The following COL4A2 variants were observed in gnomAD, a reference collection of about 807,000 sequenced individuals.
COL4A2 encodes collagen type IV alpha 2 chain.
A neutral mutation model predicts 200.2 loss-of-function variants in COL4A2; 99 were observed. That is an observed-to-expected ratio of 0.49 (90% CI 0.42 to 0.58). The LOEUF is 0.58. Ranked by LOEUF, COL4A2 falls within the 20% of genes least tolerant of loss-of-function variation. The pLI, the probability that COL4A2 is intolerant of heterozygous loss-of-function variation, is 0.00. For missense variants in COL4A2, 1,950 were observed against 2,314.1 expected (o/e 0.84, Z 3.23); for synonymous variants, 897 against 900.6 (o/e 1.00, Z 0.07).
At chr13:110,341,971 G>C (rs1211200867) in intron 3 of COL4A2, among the ~76,000 whole-genome samples, 1 of 152,192 alleles carries the variant, frequency 6.6e-6, no homozygotes, top group African/African-American at 2.4e-5. Flanking sequence ...ATACATAGGA[G>C]GACTACAAGC....
At position 110,501,690 on chromosome 13, in the gene COL4A2, C is replaced by A. The variant is rs1883648051; in HGVS notation, c.3783C>A (p.Ser1261Arg). Residue 1261 changes from serine (S) to arginine (R), a missense_variant, in exon 41 of 48, where the codon AGC (serine) becomes AGA (arginine). By Grantham distance (110) the Ser-to-Arg change is moderately radical. Coordinates refer to ENST00000360467, the MANE Select transcript of COL4A2 (RefSeq NM_001846.4). ...AAGGGGAACGAGGCCCACCTGGGAG[C>A]CCAGGACTTCAGGGGTTCCCTGGTA... is the stretch of plus-strand genomic sequence containing the variant. ...GAPGERGPPG[S>R]PGLQGFPGIT... 6.2e-7 allele frequency: 1 copy of A among 1,613,784 alleles called. No individual in the cohort carries two copies. Among genetic ancestry groups the A allele is most frequent in the South Asian group, 1.1e-5 (1 of 91,078 alleles).
At chr13:110,416,107 T>G (rs1365606244) in intron 4 of COL4A2, among the ~76,000 whole-genome samples, 5 of 152,234 alleles carry the variant, frequency 3.3e-5, no homozygotes, top group Non-Finnish European at 7.3e-5. Context: ...ATTGTCACTC[T>G]CTAACCGTGT....
chr13:110,437,132 TTGGGTCCTGTGTCC>T (rs1002143998), intron 13 of COL4A2, among the ~76,000 whole-genome samples: 95 of 152,368 alleles, frequency 6.2e-4, no homozygotes, highest in African/African-American at 2.2e-3. Context: ...AGGGTGGGGC[TTGGGTCCTGTGTCC>T]TGGGTCCTGC....
chr13:110,357,458 T>C lies in COL4A2; in HGVS notation c.100-14T>C. ...TTAGGTAACTTTTCTTTGCCTTGTGTTTTATTGTTGCAGGGTGTGAAGAAG... is the reference window on the plus strand; with the variant it reads ...TTAGGTAACTTTTCTTTGCCTTGTGCTTTATTGTTGCAGGGTGTGAAGAAG... On this transcript the variant is annotated splice_polypyrimidine_tract_variant and intron_variant, in intron 3 of 47. Coordinates refer to ENST00000360467, the MANE Select transcript of COL4A2 (RefSeq NM_001846.4). 1 of 1,578,552 alleles carries C rather than the reference T, an allele frequency of 6.3e-7. No homozygotes were observed. The highest frequency in any genetic ancestry group is 8.6e-7 in the Non-Finnish European group (1 of 1,159,478).
intron 20 of COL4A2, among the ~76,000 whole-genome samples, chr13:110,454,359 C>T (rs1881641555): frequency 6.6e-6 from 1 of 152,194 alleles, no homozygotes; most frequent in African/African-American, 2.4e-5. Flanking sequence ...ATTTGCAAAG[C>T]ATCCAGTGCT....
chr13:110,385,165 G>T (rs1212843026), intron 4 of COL4A2, among the ~76,000 whole-genome samples: 1 of 152,086 alleles, frequency 6.6e-6, no homozygotes, highest in African/African-American at 2.4e-5. Context: ...GGGAGGCTGA[G>T]GCAGAAGAAT....
intron 3 of COL4A2, among the ~76,000 whole-genome samples, chr13:110,344,101 CAG>C (rs926551467): frequency 2.0e-5 from 3 of 151,982 alleles, no homozygotes; most frequent in African/African-American, 7.2e-5. Context: ...CCTAACGAAA[CAG>C]AAGAAAAACA....
At position 110,485,854 on chromosome 13, in the gene COL4A2, A is replaced by G. The variant is rs1287098873; in HGVS notation, c.3207+18A>G. ...GAAGCCGGGTGAGTGGGCGTCTTTT[A>G]CTCCCCTTGTTCTGTGAGCTCCTCT... is the stretch of plus-strand genomic sequence containing the variant. On this transcript the variant is annotated intron_variant, in intron 34 of 47. Transcript: ENST00000360467. The G allele has an allele frequency of 1.2e-6, 2 of 1,612,048 alleles. No homozygotes were observed. Among genetic ancestry groups the G allele is most frequent in the African/African-American group, 1.3e-5 (1 of 74,682 alleles).
chr13:110,490,238 G>T (rs976774855), intron 36 of COL4A2, among the ~76,000 whole-genome samples: 1 of 152,268 alleles, frequency 6.6e-6, no homozygotes, highest in Admixed American at 6.5e-5. Flanking sequence ...CGAGCGAGTT[G>T]TGGGGGCCTG....
intron 4 of COL4A2, among the ~76,000 whole-genome samples, chr13:110,394,179 T>G (rs1464339687): frequency 1.3e-5 from 2 of 152,200 alleles, no homozygotes; most frequent in African/African-American, 4.8e-5. Flanking sequence ...AAATAGGTAT[T>G]TTATAATCGT....
intron 3 of COL4A2, among the ~76,000 whole-genome samples, chr13:110,344,487 G>C (rs181967564): frequency 6.6e-6 from 1 of 152,250 alleles, no homozygotes; most frequent in African/African-American, 2.4e-5. Context: ...AATTGGAACA[G>C]AAGAGAATGA....
chr13:110,500,028 T>G (rs995079280), intron 40 of COL4A2, among the ~76,000 whole-genome samples: 12 of 152,238 alleles, frequency 7.9e-5, no homozygotes, highest in Non-Finnish European at 1.2e-4. Flanking sequence ...TGTCTGTGAT[T>G]TGTGAGACAA....
chr13:110,365,436 C>T (rs1025919246), intron 4 of COL4A2, among the ~76,000 whole-genome samples: 8 of 152,190 alleles, frequency 5.3e-5, no homozygotes, highest in Non-Finnish European at 1.0e-4. Context: ...CCACTGTTCC[C>T]GGCCTGGCAT....
At chr13:110,491,968 C>G in intron 37 of COL4A2, 102 bp from the exon 38 acceptor site, 1 of 996,426 alleles carries the variant, frequency 1.0e-6, no homozygotes, top group Non-Finnish European at 1.4e-6. Flanking sequence ...GCCCTTCCGG[C>G]CCTCGGCCCC....
At chr13:110,334,394 C>G (rs1485420172) in intron 3 of COL4A2, among the ~76,000 whole-genome samples, 3 of 152,220 alleles carry the variant, frequency 2.0e-5, no homozygotes, top group African/African-American at 4.8e-5. Context: ...GGATTCTGTT[C>G]CAGAGGCTTC....
At chr13:110,460,780 G>T (rs1265162285) in intron 22 of COL4A2, among the ~76,000 whole-genome samples, 1 of 152,138 alleles carries the variant, frequency 6.6e-6, no homozygotes, top group Non-Finnish European at 1.5e-5. Context: ...GTGGCAGGGC[G>T]CTTGAAGTGT....
chr13:110,357,462 A>G lies in COL4A2; in HGVS notation c.100-10A>G. ...GTAACTTTTCTTTGCCTTGTGTTTT[A>G]TTGTTGCAGGGTGTGAAGAAGTTTG... On this transcript the variant is annotated splice_polypyrimidine_tract_variant and intron_variant, in intron 3 of 47. Coordinates refer to ENST00000360467, the MANE Select transcript of COL4A2 (RefSeq NM_001846.4). 1.3e-6 allele frequency: 2 copies of G among 1,581,348 alleles called. No individual in the cohort carries two copies. The highest frequency in any genetic ancestry group is 1.8e-5 in the Admixed American group (1 of 57,006).
intron 21 of COL4A2, 65 bp downstream of exon 21, chr13:110,457,500 A>C (rs1398321885): frequency 4.2e-6 from 4 of 959,632 alleles, no homozygotes; most frequent in Admixed American, 3.5e-5. Context: ...CACCTTACAG[A>C]AGGTGAAATC....
At chr13:110,445,954 A>T in intron 17 of COL4A2, 72 bp downstream of exon 17, 1 of 1,547,168 alleles carries the variant, frequency 6.5e-7, no homozygotes, top group Non-Finnish European at 8.9e-7. Flanking sequence ...TCCCCTCTTG[A>T]TGGTGTCCTG....
Sources: gnomAD v4.1 joint callset for allele counts (sites outside exome capture counted in the v4.1 genomes callset) on GRCh38, gnomAD v4.1.1 for gene constraint, MANE v1.5 for transcripts, NCBI Gene and HGNC (gene_info 2026-07-23, HGNC 2026-07-21) for gene names.